The following EPB41L4A variants were observed in gnomAD, a reference collection of about 807,000 sequenced individuals.
EPB41L4A encodes the protein band 4.1-like protein 4A.
In EPB41L4A, 100 loss-of-function variants were observed where a neutral mutation model predicts 108.6. The ratio of observed to expected loss-of-function variants is 0.92; its 90% CI spans 0.78 to 1.09. EPB41L4A has a LOEUF of 1.09. Ranked by LOEUF, EPB41L4A falls within the 50% of genes least tolerant of loss-of-function variation. The pLI is 0.00. For synonymous variants in EPB41L4A, 319 were observed against 289.0 expected (o/e 1.10, Z -1.05); for missense variants, 1,030 against 842.7 (o/e 1.22, Z -2.75).
At chr5:112,375,494 G>A (rs1236742528) in intron 1 of EPB41L4A, among the ~76,000 whole-genome samples, 4 of 151,960 alleles carry the variant, frequency 2.6e-5, no homozygotes, top group Non-Finnish European at 4.4e-5. Context: ...CATACTGAAT[G>A]AGAAAAGGCA....
intron 1 of EPB41L4A, among the ~76,000 whole-genome samples, chr5:112,369,205 C>T (rs1242429153): frequency 6.6e-6 from 1 of 152,178 alleles, no homozygotes; most frequent in Non-Finnish European, 1.5e-5. Context: ...CCAAACCTTA[C>T]AAGTTTTACC....
intron 2 of EPB41L4A, among the ~76,000 whole-genome samples, chr5:112,294,393 G>C (rs1245931018): frequency 6.6e-6 from 1 of 152,180 alleles, no homozygotes; most frequent in Non-Finnish European, 1.5e-5. Context: ...CAGATCACTT[G>C]TTTTGCAGTG....
At chr5:112,394,137 T>G (rs970962712) in intron 1 of EPB41L4A, among the ~76,000 whole-genome samples, 1 of 152,190 alleles carries the variant, frequency 6.6e-6, no homozygotes, top group Non-Finnish European at 1.5e-5. Context: ...AATATCATAC[T>G]GAATGGGCAA....
chr5:112,405,022 G>A (rs1027154402), intron 1 of EPB41L4A, among the ~76,000 whole-genome samples: 3 of 152,144 alleles, frequency 2.0e-5, no homozygotes, highest in Non-Finnish European at 2.9e-5. Context: ...GGCTTCAAGG[G>A]AGCCCTTGTT....
At chr5:112,239,424 T>C (rs1749609755) in intron 11 of EPB41L4A, among the ~76,000 whole-genome samples, 1 of 152,120 alleles carries the variant, frequency 6.6e-6, no homozygotes. Flanking sequence ...CTGAAGATAA[T>C]AAACTTTACT....
At chr5:112,319,890 T>C (rs1381538559) in intron 1 of EPB41L4A, among the ~76,000 whole-genome samples, 4 of 152,186 alleles carry the variant, frequency 2.6e-5, no homozygotes, top group East Asian at 3.8e-4. Flanking sequence ...TGGGGTATTA[T>C]GTATTAAAGC....
chr5:112,390,611 G>C (rs1760872205), intron 1 of EPB41L4A, among the ~76,000 whole-genome samples: 4 of 152,280 alleles, frequency 2.6e-5, no homozygotes, highest in Admixed American at 6.5e-5. Flanking sequence ...CTCCACCTCT[G>C]GGGGCACGGC....
Position 112,419,061 on chromosome 5 carries a change from C to G in EPB41L4A, c.-22G>C. 6.3e-7 allele frequency: 1 copy of G among 1,594,284 alleles called. No individual in the cohort carries two copies. The highest frequency in any genetic ancestry group is 8.6e-7 in the Non-Finnish European group (1 of 1,163,110). On this transcript the variant is annotated 5_prime_UTR_variant, in exon 1 of 23. Transcript: ENST00000261486. ...CCATGTCGGTTGTGGTCGTCTCCAG[C>G]CAGGAGAGAAAGCTACCACCGAGGC...
chr5:112,204,559 C>T (rs1762379291), intron 14 of EPB41L4A, 71 bp from the exon 15 acceptor site: 1 of 902,158 alleles, frequency 1.1e-6, no homozygotes, highest in Non-Finnish European at 1.8e-6. Context: ...CAGCCCAGAC[C>T]TATTCATAAC....
intron 13 of EPB41L4A, among the ~76,000 whole-genome samples, chr5:112,144,706 A>G (rs976320706): frequency 2.6e-5 from 4 of 152,204 alleles, no homozygotes; most frequent in Non-Finnish European, 4.4e-5. Context: ...GAGGTCATTT[A>G]TATCTAAATT....
rs1392148507 is a variant in EPB41L4A, at chr5:112,259,220, G to A, written c.795+9C>T. 6.2e-7 allele frequency: 1 copy of A among 1,609,250 alleles called. No individual in the cohort carries two copies. Among genetic ancestry groups the A allele is most frequent in the South Asian group, 1.1e-5 (1 of 90,920 alleles). On this transcript the variant is annotated intron_variant, in intron 9 of 22. Transcript: ENST00000261486. Reference sequence around the variant, plus strand: ...TCTTCTAATTTAAGCTAAGGGCTTGGAAACTTACATCTTTTCCCAGTACTC... The same window carrying A: ...TCTTCTAATTTAAGCTAAGGGCTTGAAAACTTACATCTTTTCCCAGTACTC...
intron 2 of EPB41L4A, among the ~76,000 whole-genome samples, chr5:112,293,023 G>A (rs1753747066): frequency 6.6e-6 from 1 of 151,956 alleles, no homozygotes; most frequent in Non-Finnish European, 1.5e-5. Flanking sequence ...AAATTTCTCA[G>A]GTACTGCATT....
At chr5:112,142,589 AAGAAC>A (rs1455102291) in exon 14 of EPB41L4A, 2 of 152,218 alleles carry the variant, frequency 1.3e-5, no homozygotes, top group Non-Finnish European at 2.9e-5. Flanking sequence ...AAAGTAATCT[AAGAAC>A]AGATTTATTT....
chr5:112,264,842 C>T, intron 6 of EPB41L4A, 54 bp downstream of exon 6: 1 of 1,550,840 alleles, frequency 6.4e-7, no homozygotes. Context: ...TTGTGAATAT[C>T]AGAAGATGAT....
At chr5:112,391,328 T>A (rs576188520) in intron 1 of EPB41L4A, among the ~76,000 whole-genome samples, 6 of 151,846 alleles carry the variant, frequency 4.0e-5, no homozygotes, top group African/African-American at 1.4e-4. Context: ...CTAAAAACTT[T>A]GAAAAAAGAT....
intron 1 of EPB41L4A, among the ~76,000 whole-genome samples, chr5:112,410,697 C>G (rs1015516982): frequency 6.6e-6 from 1 of 152,040 alleles, no homozygotes; most frequent in Non-Finnish European, 1.5e-5. Context: ...CAGGAAAGAC[C>G]CTTTATTCTT....
At chr5:112,310,159 T>C (rs1399155979) in intron 1 of EPB41L4A, among the ~76,000 whole-genome samples, 1 of 152,230 alleles carries the variant, frequency 6.6e-6, no homozygotes, top group East Asian at 1.9e-4. Flanking sequence ...TAATTTGTTA[T>C]GCAACAATAA....
chr5:112,278,207 C>T (rs565497767), intron 3 of EPB41L4A, among the ~76,000 whole-genome samples: 4 of 151,902 alleles, frequency 2.6e-5, no homozygotes, highest in East Asian at 1.9e-4. Flanking sequence ...CAGTCACTAA[C>T]GTTTCGTCAA....
intron 2 of EPB41L4A, among the ~76,000 whole-genome samples, chr5:112,300,955 A>AT (rs1182521352): frequency 2.6e-5 from 4 of 151,936 alleles, no homozygotes; most frequent in African/African-American, 9.7e-5. Context: ...TTTCAAGAAC[A>AT]TTTTGCATTT....
Sources: gnomAD v4.1 joint callset for allele counts (sites outside exome capture counted in the v4.1 genomes callset) on GRCh38, gnomAD v4.1.1 for gene constraint, MANE v1.5 for transcripts, NCBI Gene and HGNC (gene_info 2026-07-23, HGNC 2026-07-21) for gene names.